The following IL1RAPL1 variants were observed in gnomAD, a reference collection of about 807,000 sequenced individuals.
IL1RAPL1 encodes the protein interleukin-1 receptor accessory protein-like 1.
Under a neutral mutation model 48.4 loss-of-function variants are expected in IL1RAPL1, and 3 were observed. The ratio of observed to expected loss-of-function variants is 0.06; its 90% CI spans 0.03 to 0.16. IL1RAPL1 has a LOEUF of 0.16. Ranked by LOEUF, IL1RAPL1 falls within the 10% of genes least tolerant of loss-of-function variation. IL1RAPL1 has a pLI of 1.00. For synonymous variants in IL1RAPL1, 185 were observed against 187.7 expected (o/e 0.99, Z 0.12); for missense variants, 349 against 530.6 (o/e 0.66, Z 3.36).
chrX:29,128,758 AATGG>A (rs946285247), intron 2 of IL1RAPL1, among the ~76,000 whole-genome samples: 5 of 111,640 alleles, frequency 4.5e-5, no homozygotes, highest in African/African-American at 9.8e-5. Flanking sequence ...TTCCTTAATG[AATGG>A]ATGGATGGAT....
chrX:28,617,402 T>C (rs963217853), intron 1 of IL1RAPL1, among the ~76,000 whole-genome samples: 83 of 112,044 alleles, frequency 7.4e-4, no homozygotes, highest in African/African-American at 2.6e-3. Flanking sequence ...TCTGTTAATA[T>C]TTTTATTCTT....
In IL1RAPL1 at chrX:28,956,881, C is replaced by T. The variant is rs749514934; in HGVS notation, c.82+167456C>T. Among the ~76,000 whole-genome samples, 355 of 108,705 alleles carry T rather than the reference C, an allele frequency of 3.3e-3. 3 individuals carry two copies. Among genetic ancestry groups the T allele is most frequent in the African/African-American group, 0.011 (323 of 29,931 alleles). 94.4% of individuals were successfully genotyped at this position (108,705 alleles called of 115,157 possible). ...CCTCTGGTAGAATTCGACTGTGAAT[C>T]CATCTGGTCCTGGACTCTTTTTGGT... On this transcript the variant is annotated intron_variant, in intron 2 of 10. Transcript: ENST00000378993.
intron 2 of IL1RAPL1, among the ~76,000 whole-genome samples, chrX:28,850,322 C>G (rs12013665): frequency 0.058 from 6,415 of 110,887 alleles, 360 homozygotes; most frequent in East Asian, 0.25. Flanking sequence ...GTACTGGGCT[C>G]GAGATGCTGC....
At chrX:28,827,108 T>C (rs1423170106) in intron 2 of IL1RAPL1, among the ~76,000 whole-genome samples, 2 of 111,520 alleles carry the variant, frequency 1.8e-5, no homozygotes, top group Non-Finnish European at 3.8e-5. Context: ...TAATTTACTA[T>C]AATTAGGACA....
chrX:29,274,875 C>G (rs1296980336), intron 2 of IL1RAPL1, among the ~76,000 whole-genome samples: 2 of 111,127 alleles, frequency 1.8e-5, no homozygotes, highest in Non-Finnish European at 3.8e-5. Context: ...TCCTTCTCCT[C>G]CTTCATCTCG....
chrX:29,055,677 A>C (rs1927196945), intron 2 of IL1RAPL1, among the ~76,000 whole-genome samples: 1 of 112,057 alleles, frequency 8.9e-6, no homozygotes, highest in African/African-American at 3.2e-5. Context: ...AAAACAACTA[A>C]AATTTGTAGG....
intron 5 of IL1RAPL1, among the ~76,000 whole-genome samples, chrX:29,579,173 T>C (rs1367126110): frequency 1.8e-5 from 2 of 112,190 alleles, no homozygotes; most frequent in Non-Finnish European, 3.8e-5. Flanking sequence ...CCAATTTCTT[T>C]TGGGCATAAA....
chrX:28,861,486 A>G (rs1486859889), intron 2 of IL1RAPL1, among the ~76,000 whole-genome samples: 2 of 112,152 alleles, frequency 1.8e-5, no homozygotes, highest in African/African-American at 6.5e-5. Context: ...TTTTTTCAAG[A>G]TGAGTGACTT....
At chrX:29,380,967 A>G (rs1933689908) in intron 3 of IL1RAPL1, among the ~76,000 whole-genome samples, 1 of 112,297 alleles carries the variant, frequency 8.9e-6, no homozygotes, top group Non-Finnish European at 1.9e-5. Flanking sequence ...CAGTGAAACT[A>G]TTGAAACCAT....
chrX:29,116,808 A>G lies in IL1RAPL1; in HGVS notation c.83-166130A>G, dbSNP rs370206128. 8.1e-5 allele frequency among the ~76,000 whole-genome samples: 9 copies of G among 111,793 alleles called. No homozygotes were observed. The East Asian group carries it at 1.7e-3, about 21-fold the overall frequency. The stretch of plus-strand genomic sequence containing the variant: ...GTGCTTTGTGTAATGTTGGACAGAG[A>G]TATACCCCCAAAGAAAATGTTCAAA... On this transcript the variant is annotated intron_variant, in intron 2 of 10. Transcript: ENST00000378993.
rs999177616 is a variant in IL1RAPL1 at position 29,438,600 on chromosome X, A to G, written c.703+39292A>G. Among the ~76,000 whole-genome samples, 3 of 111,035 alleles carry G rather than the reference A, an allele frequency of 2.7e-5. No individual in the cohort carries two copies. The Admixed American group carries it at 2.9e-4, about 11-fold the overall frequency. On this transcript the variant is annotated intron_variant, in intron 5 of 10. Coordinates refer to ENST00000378993, the MANE Select transcript of IL1RAPL1 (RefSeq NM_014271.4). Reference sequence around the variant, plus strand: ...TGTGTTTTCATTTTCATTCATTTCAATGCATTTTTTACATTCCTTGAAACA... The same window carrying G: ...TGTGTTTTCATTTTCATTCATTTCAGTGCATTTTTTACATTCCTTGAAACA...
chrX:29,418,125 A>ATTTTTTT (rs1186251989), intron 5 of IL1RAPL1, among the ~76,000 whole-genome samples: 14 of 26,702 alleles, frequency 5.2e-4, no homozygotes, highest in Admixed American at 7.7e-4. Context: ...ATATATATAT[A>ATTTTTTT]TTTTTTTTTT....
rs1249227481 is a variant in IL1RAPL1 at position 28,687,795 on chromosome X, A to AG, written c.-25+99748_-25+99749insG. Among the ~76,000 whole-genome samples, 701 of 103,107 alleles carry AG rather than the reference A, an allele frequency of 6.8e-3. 9 individuals are homozygous for AG. The highest frequency in any genetic ancestry group is 0.023 in the African/African-American group (635 of 28,152). The allele number at this position is 103,107 out of a possible 115,157, so 89.5% of individuals were successfully genotyped here. A position where few individuals can be genotyped will look rare whatever the true frequency, so the allele number is the denominator to read the frequency against. On this transcript the variant is annotated intron_variant, in intron 1 of 10. Coordinates refer to ENST00000378993, the MANE Select transcript of IL1RAPL1 (RefSeq NM_014271.4). ...AGACTCCGTCTCAGAAAAAAAAAAA[A>AG]AAAATAAAATAAAATATGGGGGCAG...
chrX:29,014,190 T>G (rs1426934916), intron 2 of IL1RAPL1, among the ~76,000 whole-genome samples: 2 of 111,777 alleles, frequency 1.8e-5, no homozygotes, highest in Non-Finnish European at 3.8e-5. Context: ...TGCTTCGGCC[T>G]CTTCTTACTT....
chrX:29,497,979 GAGAA>G (rs1326994816), intron 5 of IL1RAPL1, among the ~76,000 whole-genome samples: 1 of 111,723 alleles, frequency 9.0e-6, no homozygotes, highest in Non-Finnish European at 1.9e-5. Flanking sequence ...AAATCTTAAT[GAGAA>G]AGAGAGACAG....
chrX:29,510,596 T>C (rs1222371474), intron 5 of IL1RAPL1, among the ~76,000 whole-genome samples: 5 of 111,876 alleles, frequency 4.5e-5, no homozygotes, highest in African/African-American at 1.6e-4. Flanking sequence ...AGCAAGACAA[T>C]ATCCTCCCTT....
intron 6 of IL1RAPL1, among the ~76,000 whole-genome samples, chrX:29,912,384 C>G (rs1227886917): frequency 9.0e-6 from 1 of 111,593 alleles, no homozygotes; most frequent in East Asian, 2.8e-4. Flanking sequence ...GTATTGAGTT[C>G]TTAATATATT....
At chrX:28,831,026 C>CTCTCTCTCTCTCTCTCTG (rs1438889606) in intron 2 of IL1RAPL1, among the ~76,000 whole-genome samples, 15 of 33,644 alleles carry the variant, frequency 4.5e-4, no homozygotes, top group African/African-American at 1.1e-3. Flanking sequence ...CTCTCTCTCT[C>CTCTCTCTCTCTCTCTCTG]TGTGTGTGTG....
chrX:29,793,097 C>T (rs5972989), intron 6 of IL1RAPL1, among the ~76,000 whole-genome samples: 4,169 of 111,846 alleles, frequency 0.037, 186 homozygotes, highest in African/African-American at 0.13. Context: ...TCGAGTTCAC[C>T]ACATATTTTA....
Sources: gnomAD v4.1 joint callset for allele counts (sites outside exome capture counted in the v4.1 genomes callset) on GRCh38, gnomAD v4.1.1 for gene constraint, MANE v1.5 for transcripts, NCBI Gene and HGNC (gene_info 2026-07-23, HGNC 2026-07-21) for gene names.